The following NSD2 variants were observed in gnomAD, a reference collection of about 807,000 sequenced individuals.
NSD2 encodes the protein nuclear receptor binding SET domain protein 2.
NSD2 carries 12 observed loss-of-function variants against 139.0 expected under a neutral mutation model. That is an observed-to-expected ratio of 0.09 (90% CI 0.06 to 0.14). The LOEUF is 0.14. Among genes scored for constraint, NSD2 ranks in the 10% least tolerant of loss-of-function variants. NSD2 has a pLI of 1.00. For missense variants in NSD2, 1,155 were observed against 1,745.0 expected (o/e 0.66, Z 6.02); for synonymous variants, 669 against 648.7 (o/e 1.03, Z -0.48).
intron 1 of NSD2, among the ~76,000 whole-genome samples, chr4:1,883,325 A>G (rs1714843054): frequency 6.7e-6 from 1 of 148,838 alleles, no homozygotes; most frequent in East Asian, 2.0e-4. Context: ...CCCTCCCCCC[A>G]TTTAAAAGTG....
intron 18 of NSD2, among the ~76,000 whole-genome samples, chr4:1,961,513 C>T (rs1377409831): frequency 1.3e-5 from 2 of 152,280 alleles, no homozygotes; most frequent in Middle Eastern, 3.4e-3. Flanking sequence ...ATTTTCAGTG[C>T]TCTTTGGGTA....
In NSD2 at chr4:1,945,076, G is replaced by A. The variant is rs1043621087; in HGVS notation, c.1881+5298G>A. The stretch of plus-strand genomic sequence containing the variant: ...TCGGGGGCTCCTCTGTCCCACTGCT[G>A]CTTCTTGAGTGGGTGGAGTGGTGCT... On this transcript the variant is annotated intron_variant, in intron 9 of 21. Coordinates refer to ENST00000508803, the MANE Select transcript of NSD2 (RefSeq NM_001042424.3). The A allele has an allele frequency of 3.8e-6, 4 of 1,066,372 alleles. No individual in the cohort carries two copies. The African/African-American group carries it at 6.6e-5, about 17-fold the overall frequency. The allele number at this position is 1,066,372 out of a possible 1,614,324, so 66.1% of individuals were successfully genotyped here.
At chr4:1,871,694 C>T (rs868239944) in intron 1 of NSD2, among the ~76,000 whole-genome samples, 152 bp downstream of exon 1, 4 of 147,118 alleles carry the variant, frequency 2.7e-5, no homozygotes, top group African/African-American at 7.4e-5. Flanking sequence ...ACTGAGGAGG[C>T]CTGAGGGGCC....
In NSD2 at chr4:1,882,459, C is replaced by T. The variant is rs1000171999; in HGVS notation, c.-30+10917C>T. 1.4e-4 allele frequency among the ~76,000 whole-genome samples: 21 copies of T among 152,196 alleles called. 1 individual carries two copies. The South Asian group carries it at 1.7e-3, about 12-fold the overall frequency. On this transcript the variant is annotated intron_variant, in intron 1 of 21. Coordinates refer to ENST00000508803, the MANE Select transcript of NSD2 (RefSeq NM_001042424.3). ...GCGGGTGGACACGAGGTCAGAAGAT[C>T]GAGACCATCCTGGCTAACACGGTGA...
chr4:1,979,431 C>T lies in NSD2; in HGVS notation c.*522C>T, dbSNP rs974874580. 1.3e-5 allele frequency: 3 copies of T among 233,576 alleles called. No homozygotes were observed. Among genetic ancestry groups the T allele is most frequent in the African/African-American group, 6.6e-5 (3 of 45,354 alleles). The allele number at this position is 233,576 out of a possible 1,614,324, so 14.5% of individuals were successfully genotyped here. A position where few individuals can be genotyped will look rare whatever the true frequency, so the allele number is the denominator to read the frequency against. On this transcript the variant is annotated 3_prime_UTR_variant, in exon 22 of 22. Transcript: ENST00000508803. ...TCATTACTCTGCTCTTTGGAAATGG[C>T]TGTATCATTTTTTTGTACTAATGTG... is the stretch of plus-strand genomic sequence containing the variant.
rs916655598 is a variant in NSD2 at position 1,973,508 on chromosome 4, C to T, written c.3373-1355C>T. ...AGAGGGCAGATGAGCACCCCCACTTCTGTGTTGAAGAGTGGCACTCTGGGT... is the reference window on the plus strand; with the variant it reads ...AGAGGGCAGATGAGCACCCCCACTTTTGTGTTGAAGAGTGGCACTCTGGGT... On this transcript the variant is annotated intron_variant, in intron 18 of 21. Coordinates refer to ENST00000508803, the MANE Select transcript of NSD2 (RefSeq NM_001042424.3). This position sits in a 1 kb window ranked among gnomAD's most constrained non-coding sequence, Gnocchi z 5.5. Among the ~76,000 whole-genome samples the T allele has an allele frequency of 6.6e-6, 1 of 152,256 alleles. No individual in the cohort carries two copies. Among genetic ancestry groups the T allele is most frequent in the African/African-American group, 2.4e-5 (1 of 41,474 alleles).
rs1251508545 is a variant in NSD2, at chr4:1,980,439, G to A, written c.*1530G>A. On this transcript the variant is annotated 3_prime_UTR_variant, in exon 22 of 22. Coordinates refer to ENST00000508803, the MANE Select transcript of NSD2 (RefSeq NM_001042424.3). ...GCCTTTTCTTAAAATAACCTAAGGGGGACACATCCATCTTGCAGAGAAGTT... is the reference window on the plus strand; with the variant it reads ...GCCTTTTCTTAAAATAACCTAAGGGAGACACATCCATCTTGCAGAGAAGTT... 3.4e-5 allele frequency: 8 copies of A among 232,986 alleles called. No homozygotes were observed. The highest frequency in any genetic ancestry group is 2.3e-4 in the Admixed American group (4 of 17,764). 14.4% of individuals were successfully genotyped at this position (232,986 alleles called of 1,614,324 possible). A position where few individuals can be genotyped will look rare whatever the true frequency, so the allele number is the denominator to read the frequency against.
intron 1 of NSD2, among the ~76,000 whole-genome samples, chr4:1,896,472 C>G (rs1458759556): frequency 6.6e-6 from 1 of 152,260 alleles, no homozygotes. Context: ...GAGCCCAAGC[C>G]ATCCTCACAC....
chr4:1,905,134 A>C (rs560670249), intron 3 of NSD2, among the ~76,000 whole-genome samples: 30 of 150,044 alleles, frequency 2.0e-4, no homozygotes, highest in Admixed American at 1.1e-3. Flanking sequence ...CTGTCTCACA[A>C]AAAAAAAAAG....
chr4:1,925,764 A>C (rs898798223), intron 5 of NSD2, among the ~76,000 whole-genome samples: 5 of 147,282 alleles, frequency 3.4e-5, no homozygotes, highest in Admixed American at 1.3e-4. Context: ...TTATATATCT[A>C]TATATATATT....
At chr4:1,939,835 C>T in intron 9 of NSD2, 57 bp downstream of exon 9, 1 of 1,612,372 alleles carries the variant, frequency 6.2e-7, no homozygotes, top group Non-Finnish European at 8.5e-7. Flanking sequence ...ATTTAGCTGC[C>T]CACGCTGCAG....
In NSD2 at chr4:1,958,145, C is replaced by G; in HGVS notation, c.2985+109C>G. On this transcript the variant is annotated intron_variant, in intron 16 of 21. Coordinates refer to ENST00000508803, the MANE Select transcript of NSD2 (RefSeq NM_001042424.3). The surrounding 1 kb of genome is among the most constrained non-coding windows in gnomAD (Gnocchi z 4.6). ...GGCTGGGGAGAGGACTGTCACCAGC[C>G]AGGATCTGTGGTGCCTGGCATGGAT... 1 of 1,133,990 alleles carries G rather than the reference C, an allele frequency of 8.8e-7. No homozygotes were observed. Among genetic ancestry groups the G allele is most frequent in the Middle Eastern group, 3.0e-4 (1 of 3,308 alleles). The allele number at this position is 1,133,990 out of a possible 1,614,324, so 70.2% of individuals were successfully genotyped here. A position where few individuals can be genotyped will look rare whatever the true frequency, so the allele number is the denominator to read the frequency against.
intron 18 of NSD2, among the ~76,000 whole-genome samples, chr4:1,961,815 A>C (rs1725400661): frequency 6.6e-6 from 1 of 152,162 alleles, no homozygotes; most frequent in African/African-American, 2.4e-5. Flanking sequence ...CTTCCCTCAC[A>C]CGGCAGGCTT....
At position 1,904,360 on chromosome 4, in the gene NSD2, A is replaced by C; in HGVS notation, c.742A>C (p.Ser248Arg). ...GGTTTCTGCAGATCCACTCCTTCAC[A>C]GCTATACCAAACTTAAAGGTATTGT... ...CMVSADPLLH[S>R]YTKLKGQKKS... The change falls in exon 3 of 22, where the codon AGC becomes CGC. Residue 248 changes from serine (S) to arginine (R), a missense_variant. Transcript: ENST00000508803. 6.2e-7 allele frequency: 1 copy of C among 1,612,906 alleles called. No homozygotes were observed. Among genetic ancestry groups the C allele is most frequent in the South Asian group, 1.1e-5 (1 of 90,864 alleles).
chr4:1,877,949 AGCCCAGGAGTTTGAGGTT>A (rs1257144091), intron 1 of NSD2, among the ~76,000 whole-genome samples: 1 of 152,234 alleles, frequency 6.6e-6, no homozygotes, highest in East Asian at 1.9e-4. Context: ...GGATCACTCC[AGCCCAGGAGTTTGAGGTT>A]GCAGGGAACC....
intron 5 of NSD2, chr4:1,919,260 G>C (rs1719815817): frequency 6.6e-6 from 1 of 151,872 alleles, no homozygotes; most frequent in Non-Finnish European, 1.5e-5. Context: ...CTTAACGTGT[G>C]ACTCCAGGTT....
chr4:1,886,355 C>A (rs1715109751), intron 1 of NSD2, among the ~76,000 whole-genome samples: 2 of 152,102 alleles, frequency 1.3e-5, no homozygotes, highest in Admixed American at 1.3e-4. Context: ...TACAGGTGTG[C>A]ACCACTATGC....
At chr4:1,933,479 TGGC>T (rs1280466922) in intron 6 of NSD2, among the ~76,000 whole-genome samples, 1 of 152,202 alleles carries the variant, frequency 6.6e-6, no homozygotes, top group African/African-American at 2.4e-5. Context: ...AAGCTCCGCC[TGGC>T]GGGTTCATGC....
chr4:1,891,634 C>T (rs951205026), intron 1 of NSD2, among the ~76,000 whole-genome samples: 4 of 151,984 alleles, frequency 2.6e-5, no homozygotes, highest in Middle Eastern at 3.2e-3. Context: ...GGGCAGTTCA[C>T]GAGGTGAGGA....
Sources: gnomAD v4.1 joint callset for allele counts (sites outside exome capture counted in the v4.1 genomes callset) on GRCh38, gnomAD v4.1.1 for gene constraint, Gnocchi (gnomAD v3.1) non-coding constraint, MANE v1.5 for transcripts, NCBI Gene and HGNC (gene_info 2026-07-23, HGNC 2026-07-21) for gene names.